The following CTNNA3 variants were observed in gnomAD, a reference collection of about 807,000 sequenced individuals.
CTNNA3 encodes the protein catenin alpha 3.
A neutral mutation model predicts 95.7 loss-of-function variants in CTNNA3; 76 were observed. The ratio of observed to expected loss-of-function variants is 0.79; its 90% CI spans 0.66 to 0.96. The LOEUF is 0.96. Ranked by LOEUF, CTNNA3 falls within the 40% of genes least tolerant of loss-of-function variation. The pLI is 0.00. For missense variants in CTNNA3, 1,191 were observed against 1,089.8 expected (o/e 1.09, Z -1.31); for synonymous variants, 431 against 374.4 (o/e 1.15, Z -1.74).
intron 7 of CTNNA3, among the ~76,000 whole-genome samples, chr10:66,788,134 C>T (rs1225673040): frequency 6.6e-6 from 1 of 152,104 alleles, no homozygotes; most frequent in Non-Finnish European, 1.5e-5. Context: ...TCAATGATAT[C>T]ATCTAGTTTG....
At chr10:66,283,069 T>C (rs1192757661) in intron 12 of CTNNA3, among the ~76,000 whole-genome samples, 1 of 151,838 alleles carries the variant, frequency 6.6e-6, no homozygotes, top group Non-Finnish European at 1.5e-5. Context: ...GAGTTAATCA[T>C]TACTTTTGTA....
chr10:67,101,639 A>T lies in CTNNA3; in HGVS notation c.1047+78678T>A, dbSNP rs1004963532. Among the ~76,000 whole-genome samples the T allele has an allele frequency of 5.9e-5, 9 of 151,802 alleles. 1 individual carries two copies. Among genetic ancestry groups the T allele is most frequent in the Admixed American group, 4.0e-4 (6 of 15,164 alleles). On this transcript the variant is annotated intron_variant, in intron 7 of 17. Coordinates refer to ENST00000433211, the MANE Select transcript of CTNNA3 (RefSeq NM_013266.4). Reference sequence around the variant, plus strand: ...GATTAATACAAATTACATTTTTACAAGGAAAGAAAACATTCCCAAATTTAA... The same window carrying T: ...GATTAATACAAATTACATTTTTACATGGAAAGAAAACATTCCCAAATTTAA...
At chr10:67,071,837 A>G (rs1856484959) in intron 7 of CTNNA3, among the ~76,000 whole-genome samples, 1 of 152,158 alleles carries the variant, frequency 6.6e-6, no homozygotes, top group Admixed American at 6.5e-5. Context: ...TTTTCAGTTC[A>G]CTAAACTTGT....
rs1037188358 is a variant in CTNNA3, at chr10:67,036,591, A to T, written c.1047+143726T>A. 1.2e-4 allele frequency among the ~76,000 whole-genome samples: 18 copies of T among 152,126 alleles called. 1 individual carries two copies. The highest frequency in any genetic ancestry group is 4.1e-4 in the African/African-American group (17 of 41,422). ...TCTCCATGTTGCCCAGGCTAGTATC[A>T]AAATCTTAAGCTCAAGTGATCATTT... is the stretch of plus-strand genomic sequence containing the variant. On this transcript the variant is annotated intron_variant, in intron 7 of 17. Coordinates refer to ENST00000433211, the MANE Select transcript of CTNNA3 (RefSeq NM_013266.4).
At chr10:66,878,932 T>G (rs1405396058) in intron 7 of CTNNA3, among the ~76,000 whole-genome samples, 1 of 152,208 alleles carries the variant, frequency 6.6e-6, no homozygotes, top group Non-Finnish European at 1.5e-5. Context: ...TATTTATATT[T>G]TCTTAAATAA....
At chr10:66,427,682 C>T (rs916256052) in intron 11 of CTNNA3, among the ~76,000 whole-genome samples, 1 of 152,028 alleles carries the variant, frequency 6.6e-6, no homozygotes, top group Admixed American at 6.6e-5. Context: ...GACATAAATC[C>T]TTTATAGACA....
intron 1 of CTNNA3, among the ~76,000 whole-genome samples, chr10:67,749,331 C>G (rs1350344628): frequency 6.6e-6 from 1 of 152,182 alleles, no homozygotes; most frequent in Non-Finnish European, 1.5e-5. Flanking sequence ...ATCTACAGAA[C>G]TCTCCATCCA....
intron 9 of CTNNA3, among the ~76,000 whole-genome samples, chr10:66,744,479 G>A (rs900765658): frequency 1.3e-5 from 2 of 152,038 alleles, no homozygotes; most frequent in Non-Finnish European, 2.9e-5. Context: ...TGAGAGCATT[G>A]GGGTTAGGAC....
At chr10:67,744,542 T>G (rs1257343829) in intron 1 of CTNNA3, among the ~76,000 whole-genome samples, 1 of 151,198 alleles carries the variant, frequency 6.6e-6, no homozygotes, top group African/African-American at 2.4e-5. Flanking sequence ...CCTAAAACCA[T>G]AAAAACCCTA....
intron 7 of CTNNA3, among the ~76,000 whole-genome samples, chr10:66,953,370 C>A (rs12244217): frequency 0.019 from 2,836 of 152,280 alleles, 80 homozygotes; most frequent in African/African-American, 0.065. Flanking sequence ...TGCCGGTTGT[C>A]TGAAATGAGA....
chr10:67,164,077 T>A (rs574507643), intron 7 of CTNNA3, among the ~76,000 whole-genome samples: 17 of 125,702 alleles, frequency 1.4e-4, no homozygotes, highest in African/African-American at 7.8e-4. Context: ...TTATAATTCT[T>A]ATAAAACCTA....
At position 67,225,730 on chromosome 10, in the gene CTNNA3, T is replaced by G. The variant is rs1162886975; in HGVS notation, c.580-5860A>C. Among the ~76,000 whole-genome samples, 3 of 151,994 alleles carry G rather than the reference T, an allele frequency of 2.0e-5. No homozygotes were observed. In the East Asian group the frequency reaches 5.8e-4, roughly 29 times the overall value. On this transcript the variant is annotated intron_variant, in intron 5 of 17. Transcript: ENST00000433211. ...GACAAAAGAATCTGAAAAACAGCCT[T>G]CAGCCCTAGACCTTCCCTCTAACAG... is the stretch of plus-strand genomic sequence containing the variant.
chr10:66,680,200 T>C (rs1222696918), intron 9 of CTNNA3, among the ~76,000 whole-genome samples: 1 of 151,790 alleles, frequency 6.6e-6, no homozygotes, highest in African/African-American at 2.4e-5. Flanking sequence ...TTTTTGTTTG[T>C]TTGTTTGTTT....
At chr10:65,937,949 G>T (rs574702805) in intron 17 of CTNNA3, among the ~76,000 whole-genome samples, 7 of 152,026 alleles carry the variant, frequency 4.6e-5, no homozygotes, top group Non-Finnish European at 1.0e-4. Context: ...CAGATGGACT[G>T]CCCTGTCCTA....
chr10:66,975,889 A>G (rs1362235352), intron 7 of CTNNA3, among the ~76,000 whole-genome samples: 3 of 152,224 alleles, frequency 2.0e-5, no homozygotes, highest in Non-Finnish European at 4.4e-5. Flanking sequence ...CAATCAGTAT[A>G]TCAATACCTC....
intron 5 of CTNNA3, among the ~76,000 whole-genome samples, chr10:67,407,147 A>G (rs567846683): frequency 4.6e-5 from 7 of 152,222 alleles, no homozygotes; most frequent in South Asian, 4.1e-4. Flanking sequence ...TCCTTGATAA[A>G]CATTGATACC....
intron 5 of CTNNA3, among the ~76,000 whole-genome samples, chr10:67,267,396 G>A (rs1304511341): frequency 2.6e-5 from 4 of 151,948 alleles, no homozygotes; most frequent in African/African-American, 4.8e-5. Context: ...ATGGAGTCTC[G>A]CTCTGTTGCC....
intron 5 of CTNNA3, among the ~76,000 whole-genome samples, chr10:67,375,408 C>T (rs1400356313): frequency 6.6e-6 from 1 of 152,142 alleles, no homozygotes. Context: ...GAGTTCACAA[C>T]CAGCCTAGCC....
intron 7 of CTNNA3, among the ~76,000 whole-genome samples, chr10:67,127,113 G>T (rs546654069): frequency 3.3e-5 from 5 of 151,752 alleles, no homozygotes; most frequent in Non-Finnish European, 5.9e-5. Flanking sequence ...TTATTTTCCC[G>T]CTTTATTTTG....
Sources: gnomAD v4.1 joint callset for allele counts (sites outside exome capture counted in the v4.1 genomes callset) on GRCh38, gnomAD v4.1.1 for gene constraint, MANE v1.5 for transcripts, NCBI Gene and HGNC (gene_info 2026-07-23, HGNC 2026-07-21) for gene names.